Variants in RFX4 observed in about 807,000 individuals in gnomAD.
The protein encoded by RFX4 is regulatory factor X4.
A neutral mutation model predicts 95.0 loss-of-function variants in RFX4; 10 were observed. That is an observed-to-expected ratio of 0.11 (90% CI 0.06 to 0.18). The LOEUF is 0.18. RFX4 is among the 10% of genes least tolerant of loss of function. RFX4 has a pLI of 1.00. For missense variants in RFX4, 640 were observed against 922.0 expected (o/e 0.69, Z 3.96); for synonymous variants, 321 against 340.7 (o/e 0.94, Z 0.64).
intron 7 of RFX4, among the ~76,000 whole-genome samples, chr12:106,691,369 G>A (rs1168077272): frequency 6.6e-6 from 1 of 152,226 alleles, no homozygotes; most frequent in East Asian, 1.9e-4. Flanking sequence ...AGGGCCAAAG[G>A]TGTGACAAGG....
intron 4 of RFX4, among the ~76,000 whole-genome samples, chr12:106,676,640 G>A (rs191170772): frequency 3.3e-5 from 5 of 152,264 alleles, no homozygotes; most frequent in Admixed American, 3.3e-4. Flanking sequence ...GGGGCTGTCT[G>A]CTGATGACAC....
intron 10 of RFX4, 187 bp from the exon 11 acceptor site, chr12:106,715,213 G>A (rs748708007): frequency 3.7e-4 from 231 of 627,926 alleles, no homozygotes; most frequent in Non-Finnish European, 5.0e-4. Context: ...AGAACCATAG[G>A]AGAAAACAGT....
intron 15 of RFX4, among the ~76,000 whole-genome samples, chr12:106,733,966 T>C (rs2042661014): frequency 6.6e-6 from 1 of 152,192 alleles, no homozygotes; most frequent in Non-Finnish European, 1.5e-5. Context: ...ATGTGGTATA[T>C]ACATAAATGG....
chr12:106,615,507 A>G (rs1378603684), intron 2 of RFX4, among the ~76,000 whole-genome samples: 3 of 152,124 alleles, frequency 2.0e-5, no homozygotes, highest in Non-Finnish European at 4.4e-5. Context: ...TCATTTTTTC[A>G]CATATGCAAA....
chr12:106,729,902 C>T (rs1565997750), intron 13 of RFX4, among the ~76,000 whole-genome samples: 1 of 152,172 alleles, frequency 6.6e-6, no homozygotes, highest in Admixed American at 6.5e-5. Flanking sequence ...TTCAGAGAAA[C>T]AGTTGGAAAG....
chr12:106,683,954 A>G (rs1439334055), intron 5 of RFX4, among the ~76,000 whole-genome samples: 1 of 152,178 alleles, frequency 6.6e-6, no homozygotes, highest in African/African-American at 2.4e-5. Flanking sequence ...TTCCATAAGG[A>G]TACTCCAAAG....
chr12:106,735,405 C>CT (rs2042691674), intron 15 of RFX4, among the ~76,000 whole-genome samples: 1 of 151,934 alleles, frequency 6.6e-6, no homozygotes, highest in Admixed American at 6.6e-5. Flanking sequence ...AAAGACAAGG[C>CT]TTTTTAGACC....
chr12:106,662,279 CGTT>C (rs1592910397), intron 4 of RFX4: 2 of 238,478 alleles, frequency 8.4e-6, no homozygotes, highest in Non-Finnish European at 1.7e-5. Flanking sequence ...AGTGGTATGT[CGTT>C]GTTTTAATTT....
intron 1 of RFX4, among the ~76,000 whole-genome samples, chr12:106,606,822 C>T (rs1160678688): frequency 2.6e-5 from 4 of 152,164 alleles, no homozygotes; most frequent in Non-Finnish European, 5.9e-5. Context: ...TCCGACATTT[C>T]TCCCAGCTGT....
chr12:106,686,815 A>G, intron 5 of RFX4, 69 bp from the exon 6 acceptor site: 1 of 1,457,638 alleles, frequency 6.9e-7, no homozygotes, highest in Admixed American at 1.8e-5. Context: ...ACCTCACTTA[A>G]TAACAGTGCA....
intron 1 of RFX4, among the ~76,000 whole-genome samples, chr12:106,603,550 C>G (rs563856483): frequency 6.6e-5 from 10 of 152,334 alleles, no homozygotes; most frequent in Admixed American, 6.5e-4. Flanking sequence ...GCTTCACAGC[C>G]CAGGAGCCTC....
At chr12:106,669,837 GGGGTGTGTGTGTGT>G (rs1375970016) in intron 4 of RFX4, among the ~76,000 whole-genome samples, 1 of 54,492 alleles carries the variant, frequency 1.8e-5, no homozygotes, top group Non-Finnish European at 3.8e-5. Flanking sequence ...GTTTTTTCTA[GGGGTGTGTGTGTGT>G]GTGTGTGTGT....
At chr12:106,590,557 G>A (rs2039524837) in intron 1 of RFX4, among the ~76,000 whole-genome samples, 1 of 152,186 alleles carries the variant, frequency 6.6e-6, no homozygotes, top group African/African-American at 2.4e-5. Context: ...CTCTTATTGT[G>A]TGTTCCTAAC....
chr12:106,762,400 A>C lies in RFX4; in HGVS notation c.*931A>C, dbSNP rs1232352873. ...TTCACGGTTCCTTCATAAAACTATA[A>C]TAATATCCGACACTTTGATAGAAAA... On this transcript the variant is annotated 3_prime_UTR_variant, in exon 18 of 18. Coordinates refer to ENST00000392842, the MANE Select transcript of RFX4 (RefSeq NM_213594.3). 2.0e-5 allele frequency: 3 copies of C among 152,630 alleles called. No homozygotes were observed. The highest frequency in any genetic ancestry group is 4.4e-5 in the Non-Finnish European group (3 of 68,044). The allele number at this position is 152,630 out of a possible 1,614,324, so 9.5% of individuals were successfully genotyped here. A position where few individuals can be genotyped will look rare whatever the true frequency, so the allele number is the denominator to read the frequency against.
chr12:106,695,251 T>C (rs867336425), intron 7 of RFX4, among the ~76,000 whole-genome samples: 12 of 152,308 alleles, frequency 7.9e-5, no homozygotes, highest in Middle Eastern at 3.4e-3. Context: ...AATTCAGTTA[T>C]GTGTTCCCCA....
intron 3 of RFX4, among the ~76,000 whole-genome samples, chr12:106,652,951 G>A (rs1396357966): frequency 1.3e-5 from 2 of 152,102 alleles, no homozygotes; most frequent in Admixed American, 6.6e-5. Flanking sequence ...TTGGGGGTGG[G>A]GGATGGTTTT....
intron 4 of RFX4, among the ~76,000 whole-genome samples, 185 bp from the exon 5 acceptor site, chr12:106,681,808 C>A (rs931592280): frequency 3.3e-5 from 5 of 152,154 alleles, no homozygotes; most frequent in African/African-American, 1.2e-4. Context: ...CAGAGCCCCA[C>A]AACCATCCAA....
intron 2 of RFX4, among the ~76,000 whole-genome samples, chr12:106,611,954 T>C (rs1219317109): frequency 6.6e-6 from 1 of 152,260 alleles, no homozygotes; most frequent in Non-Finnish European, 1.5e-5. Context: ...TTTCTGGGCT[T>C]TCCATATTAT....
chr12:106,740,677 A>C (rs2042789789), intron 15 of RFX4, among the ~76,000 whole-genome samples: 1 of 152,218 alleles, frequency 6.6e-6, no homozygotes, highest in South Asian at 2.1e-4. Context: ...TGGTACTTAC[A>C]TTCTAGTGGT....
Sources: gnomAD v4.1 joint callset for allele counts (sites outside exome capture counted in the v4.1 genomes callset) on GRCh38, gnomAD v4.1.1 for gene constraint, MANE v1.5 for transcripts, NCBI Gene and HGNC (gene_info 2026-07-23, HGNC 2026-07-21) for gene names.